PER1: variants seen among roughly 807,000 people sequenced by gnomAD.
PER1 encodes the protein period circadian regulator 1, also known as period circadian protein homolog 1.
Under a neutral mutation model 125.9 loss-of-function variants are expected in PER1, and 87 were observed. The ratio of observed to expected loss-of-function variants is 0.69; its 90% CI spans 0.58 to 0.83. The LOEUF is 0.83. Among genes scored for constraint, PER1 ranks in the 40% least tolerant of loss-of-function variants. The pLI is 0.00. For missense variants in PER1, 1,775 were observed against 1,722.8 expected (o/e 1.03, Z -0.54); for synonymous variants, 801 against 714.7 (o/e 1.12, Z -1.93).
chr17:8,146,517 A>G lies in PER1; in HGVS notation c.1908-15T>C, dbSNP rs780542994. ...TCTCCAGGTACCTGGGGATGGACAC[A>G]GCACAGGGCATCAGAGCAGGGCTTG... On this transcript the variant is annotated splice_polypyrimidine_tract_variant and intron_variant, in intron 15 of 22. Transcript: ENST00000317276. 6 of 1,609,874 alleles carry G rather than the reference A, an allele frequency of 3.7e-6. No homozygotes were observed. Among genetic ancestry groups the G allele is most frequent in the South Asian group, 3.3e-5 (3 of 90,436 alleles).
At chr17:8,148,337 G>T in intron 8 of PER1, 78 bp from the exon 9 acceptor site, 2 of 1,257,690 alleles carry the variant, frequency 1.6e-6, no homozygotes, top group Non-Finnish European at 2.3e-6. Context: ...CCTGGGCCCA[G>T]GCTGGCTGAT....
chr17:8,142,797 G>A lies in PER1; in HGVS notation c.3111C>T (p.Ser1037=), dbSNP rs375292406. ...GAAGTTCGAGCAGGTCACTGGAGCC[G>A]GAAAGTGCGTCCTGATTGGAGGACT... ...VTESSNQDAL[S]GSSDLLELLL... is the part of the protein sequence containing the mutation. Residue 1037 remains serine, a synonymous_variant, in exon 20 of 23, where the codon TCC becomes TCT. Transcript: ENST00000317276. 89 of 1,611,824 alleles carry A rather than the reference G, an allele frequency of 5.5e-5. No homozygotes were observed. Among genetic ancestry groups the A allele is most frequent in the African/African-American group, 1.5e-4 (11 of 75,020 alleles).
intron 17 of PER1, among the ~76,000 whole-genome samples, chr17:8,145,549 C>A (rs1982381061): frequency 6.6e-6 from 1 of 152,136 alleles, no homozygotes; most frequent in African/African-American, 2.4e-5. Flanking sequence ...ATCTCGAGCT[C>A]CTGATCTCAG....
intron 1 of PER1, among the ~76,000 whole-genome samples, chr17:8,151,317 G>A (rs759912551): frequency 2.0e-5 from 3 of 152,244 alleles, no homozygotes; most frequent in Non-Finnish European, 4.4e-5. Context: ...GGTCGCCAGG[G>A]AAACCGACGT....
rs764503985 is a variant in PER1, at chr17:8,145,003, G to C, written c.2219-10C>G. 1 of 1,462,490 alleles carries C rather than the reference G, an allele frequency of 6.8e-7. No homozygotes were observed. Among genetic ancestry groups the C allele is most frequent in the Admixed American group, 2.5e-5 (1 of 40,610 alleles). The allele number at this position is 1,462,490 out of a possible 1,614,324, so 90.6% of individuals were successfully genotyped here. A position where few individuals can be genotyped will look rare whatever the true frequency, so the allele number is the denominator to read the frequency against. On this transcript the variant is annotated splice_polypyrimidine_tract_variant and intron_variant, in intron 17 of 22. Coordinates refer to ENST00000317276, the MANE Select transcript of PER1 (RefSeq NM_002616.3). Reference sequence around the variant, plus strand: ...TCCATCATGATGATGTCTGAGGAGAGTGAGATAGGGAAAGGTCATCAGAAC... The same window carrying C: ...TCCATCATGATGATGTCTGAGGAGACTGAGATAGGGAAAGGTCATCAGAAC...
intron 22 of PER1, 34 bp from the exon 23 acceptor site, chr17:8,141,374 C>T: frequency 6.4e-7 from 1 of 1,566,230 alleles, no homozygotes; most frequent in Admixed American, 1.7e-5. Context: ...GAGAGTCAGA[C>T]AGGGTTCTCA....
In PER1 at chr17:8,144,597, G is replaced by C. The variant is rs56035085; in HGVS notation, c.2461+154C>G. ...CGGAACCCCATCCTAGTGGGGAGAAGCTAGCGAGGGGCCTGTCCCTAGGCA... is the reference window on the plus strand; with the variant it reads ...CGGAACCCCATCCTAGTGGGGAGAACCTAGCGAGGGGCCTGTCCCTAGGCA... On this transcript the variant is annotated intron_variant, in intron 18 of 22. Coordinates refer to ENST00000317276, the MANE Select transcript of PER1 (RefSeq NM_002616.3). The C allele has an allele frequency of 4.2e-3, 4,177 of 1,006,182 alleles. 15 individuals are homozygous for C. Among genetic ancestry groups the C allele is most frequent in the Non-Finnish European group, 5.1e-3 (3,520 of 692,776 alleles). The allele number at this position is 1,006,182 out of a possible 1,614,324, so 62.3% of individuals were successfully genotyped here.
At position 8,141,279 on chromosome 17, in the gene PER1, G is replaced by A. The variant is rs1171242888; in HGVS notation, c.3662C>T (p.Ser1221Leu). ...CTCCAGCCCCAGTCCATCCAGCTCTGAGAAGAGTGGGTCATCAGGGTGACC... is the reference window on the plus strand; with the variant it reads ...CTCCAGCCCCAGTCCATCCAGCTCTAAGAAGAGTGGGTCATCAGGGTGACC... ...DPGHPDDPLF[S>L]ELDGLGLEPM... The change falls in exon 23 of 23, where the codon TCA becomes TTA. Residue 1221 changes from serine (S) to leucine (L), a missense_variant. Physicochemically the swap from Ser to Leu is moderately radical, Grantham distance 145 (BLOSUM62 -2). Transcript: ENST00000317276. The A allele has an allele frequency of 6.2e-7, 1 of 1,614,128 alleles. No individual in the cohort carries two copies. Among genetic ancestry groups the A allele is most frequent in the South Asian group, 1.1e-5 (1 of 91,090 alleles).
Position 8,144,778 on chromosome 17 carries a change from T to G in PER1, c.2434A>C (p.Thr812Pro), listed in dbSNP as rs1982315842. 1.3e-6 allele frequency: 2 copies of G among 1,580,516 alleles called. No individual in the cohort carries two copies. The highest frequency in any genetic ancestry group is 2.7e-5 in the African/African-American group (2 of 74,210). The change falls in exon 18 of 23, where the codon ACA becomes CCA. Residue 812 changes from threonine to proline, a missense_variant. Transcript: ENST00000317276. Reference protein sequence around the residue: ...GRLRGLDSSSTAPSALGERGC... With the variant: ...GRLRGLDSSSPAPSALGERGC... ...CGCTCGCCAAGGGCTGAGGGAGCTGTGGAAGAGCTGTCGAGTCCACGCAGC... is the reference window on the plus strand; with the variant it reads ...CGCTCGCCAAGGGCTGAGGGAGCTGGGGAAGAGCTGTCGAGTCCACGCAGC...
At position 8,148,627 on chromosome 17, in the gene PER1, G is replaced by A. The variant is rs1470889835; in HGVS notation, c.1048+17C>T. On this transcript the variant is annotated intron_variant, in intron 8 of 22. Transcript: ENST00000317276. ...TTCCTCCCAGCCCCCACCAGGCCAG[G>A]GCCCTGACCTGCCCACCTTCGTAAC... 10 of 1,585,364 alleles carry A rather than the reference G, an allele frequency of 6.3e-6. No homozygotes were observed. The highest frequency in any genetic ancestry group is 7.7e-6 in the Non-Finnish European group (9 of 1,168,192).
chr17:8,150,026 G>A lies in PER1; in HGVS notation c.474C>T (p.Arg158=), dbSNP rs35826160. 0.017 allele frequency: 27,872 copies of A among 1,614,184 alleles called. 315 individuals are homozygous for A. Among genetic ancestry groups the A allele is most frequent in the Middle Eastern group, 0.056 (340 of 6,062 alleles). ...RLPPERRGKG[R]SGTLATLQYA... The stretch of plus-strand genomic sequence containing the variant: ...ACTGCAGCGTGGCCAGGGTCCCAGA[G>A]CGGCCCTTGCCCCGGCGCTCTGGCG... The change falls in exon 4 of 23, where the codon CGC becomes CGT. Residue 158 remains arginine, a synonymous_variant. Transcript: ENST00000317276.
Position 8,149,477 on chromosome 17 carries a change from T to G in PER1, c.838A>C (p.Thr280Pro), listed in dbSNP as rs768910969. ...GGCACCTCACCTGCTGAGGCCCCTGTGCCCCAGGTGGGCAGGCGAGATGGA... is the reference window on the plus strand; with the variant it reads ...GGCACCTCACCTGCTGAGGCCCCTGGGCCCCAGGTGGGCAGGCGAGATGGA... ...TAPSRLPTWGTGASAGSGLRD... is the reference protein window; with the variant it reads ...TAPSRLPTWGPGASAGSGLRD... Residue 280 changes from threonine to proline, a missense_variant, in exon 6 of 23, where the codon ACA (threonine) becomes CCA (proline). Transcript: ENST00000317276. 6.2e-6 allele frequency: 10 copies of G among 1,613,318 alleles called. No homozygotes were observed. In the South Asian group the frequency reaches 1.1e-4, roughly 18 times the overall value.
chr17:8,147,958 A>T, intron 10 of PER1, 39 bp downstream of exon 10: 1 of 1,592,954 alleles, frequency 6.3e-7, no homozygotes, highest in Non-Finnish European at 8.6e-7. Context: ...TCAAAAGCCC[A>T]GGACAGTGGG....
chr17:8,142,937 T>C, intron 19 of PER1, 102 bp from the exon 20 acceptor site: 5 of 872,128 alleles, frequency 5.7e-6, no homozygotes, highest in Non-Finnish European at 8.9e-6. Context: ...CCAACCCCAG[T>C]GGTCTCTGCT....
At position 8,142,947 on chromosome 17, in the gene PER1, T is replaced by A. The variant is rs1392990689; in HGVS notation, c.3073-112A>T. ...CACATCCAACCCCAGTGGTCTCTGCTCCCCACTTCGTGACAGTAGGGCCAG... is the reference window on the plus strand; with the variant it reads ...CACATCCAACCCCAGTGGTCTCTGCACCCCACTTCGTGACAGTAGGGCCAG... On this transcript the variant is annotated intron_variant, in intron 19 of 22. Transcript: ENST00000317276. 20 of 819,624 alleles carry A rather than the reference T, an allele frequency of 2.4e-5. No individual in the cohort carries two copies. The Admixed American group carries it at 4.2e-4, about 17-fold the overall frequency. 50.8% of individuals were successfully genotyped at this position (819,624 alleles called of 1,614,324 possible).
At position 8,148,064 on chromosome 17, in the gene PER1, C is replaced by A. The variant is rs1242890699; in HGVS notation, c.1167G>T (p.Leu389=). The change falls in exon 10 of 23, where the codon CTG becomes CTT. Residue 389 remains leucine (L), a synonymous_variant. Transcript: ENST00000317276. The part of the protein sequence containing the change: ...PLLGYLPQDL[L]GAPVLLFLHP... ...GCAGGAACAGGAGCACTGGGGCCCC[C>A]AGGAGGTCCTGGGGCAGGTAGCCCA... 1.9e-6 allele frequency: 3 copies of A among 1,612,270 alleles called. No homozygotes were observed.
rs376504444 is a variant in PER1 at position 8,143,678 on chromosome 17, G to C, written c.2660C>G (p.Pro887Arg). 1 of 1,483,276 alleles carries C rather than the reference G, an allele frequency of 6.7e-7. No individual in the cohort carries two copies. Among genetic ancestry groups the C allele is most frequent in the Non-Finnish European group, 9.0e-7 (1 of 1,111,380 alleles). 91.9% of individuals were successfully genotyped at this position (1,483,276 alleles called of 1,614,324 possible). Residue 887 changes from proline (P) to arginine (R), a missense_variant, in exon 19 of 23, where the codon CCA (proline) becomes CGA (arginine). By Grantham distance (103) the Pro-to-Arg change is moderately radical (BLOSUM62 -2). Transcript: ENST00000317276. The stretch of plus-strand genomic sequence containing the variant: ...GGGGCCTCCTCGAGGAGAGAACACT[G>C]GGAGAGGGTAGGGCTGGACAACCGC... ...FPAVVQPYPL[P>R]VFSPRGGPQP... is the part of the protein sequence containing the mutation.
rs761825837 is a variant in PER1 at position 8,140,614 on chromosome 17, C to G, written c.*454G>C. The G allele has an allele frequency of 2.1e-5, 5 of 241,298 alleles. No homozygotes were observed. The highest frequency in any genetic ancestry group is 2.5e-5 in the Non-Finnish European group (3 of 122,260). The allele number at this position is 241,298 out of a possible 1,614,324, so 14.9% of individuals were successfully genotyped here. ...AGGGACTCCATGGTCCACCAACCTC[C>G]CCCACTCCAGAGCAGCTAGGGGCTG... On this transcript the variant is annotated 3_prime_UTR_variant, in exon 23 of 23. Transcript: ENST00000317276.
In PER1 at chr17:8,142,697, A is replaced by T. The variant is rs745703561; in HGVS notation, c.3211T>A (p.Ser1071Thr). The T allele has an allele frequency of 1.2e-6, 2 of 1,613,842 alleles. No homozygotes were observed. The highest frequency in any genetic ancestry group is 1.3e-5 in the African/African-American group (1 of 74,910). ...GSLGSGLGSG[S>T]GSGSHEGGST... is the part of the protein sequence containing the mutation. ...CCCCCTTCATGGGAGCCTGAACCAG[A>T]CCCAGAGCCCAAGCCAGAGCCCAAG... is the stretch of plus-strand genomic sequence containing the variant. Residue 1071 changes from serine to threonine, a missense_variant, in exon 20 of 23, where the codon TCT becomes ACT. Transcript: ENST00000317276.
Sources: allele counts gnomAD v4.1 joint callset (sites outside exome capture counted in the v4.1 genomes callset), GRCh38; gene constraint gnomAD v4.1.1; transcripts MANE v1.5; gene names NCBI Gene and HGNC (gene_info 2026-07-23, HGNC 2026-07-21).